The following ASB4 variants were observed in gnomAD, a reference collection of about 807,000 sequenced individuals.
ASB4 encodes the protein ankyrin repeat and SOCS box containing 4.
In ASB4, 35 loss-of-function variants were observed where a neutral mutation model predicts 38.6. The ratio of observed to expected loss-of-function variants is 0.91; its 90% confidence interval spans 0.69 to 1.20. The LOEUF (loss-of-function observed/expected upper bound fraction) is 1.20. ASB4 is among the 50% of genes most tolerant of loss of function. The pLI is 0.00. For synonymous variants in ASB4, 195 were observed against 201.3 expected, an observed-to-expected ratio of 0.97 and a Z score of 0.26; for missense variants, 557 against 527.2, an observed-to-expected ratio of 1.06 and a Z score of -0.55.
the ASB4 span, among the ~76,000 whole-genome samples, chr7:95,547,116 T>C: frequency 6.6e-6 from 1 of 152,224 alleles, no homozygotes; most frequent in Non-Finnish European, 1.5e-5. Context: ...GGAACTGTAA[T>C]CTCTTCAGTT....
At chr7:95,515,519 G>A (rs1384002477) in intron 2 of ASB4, among the ~76,000 whole-genome samples, 1 of 150,412 alleles carries the variant, frequency 6.6e-6, no homozygotes, top group African/African-American at 2.4e-5. Context: ...GTGTTCAAGT[G>A]ATTCTCTTGC....
rs111237885 is a variant in ASB4, at chr7:95,490,818, A to T, written c.187+4660A>T. On this transcript the variant is annotated intron_variant, in intron 1 of 4. Transcript: ENST00000325885. ...AGATTTAAATTAAACACACACGCGC[A>T]CGCGTGCACACACACACGATTAGTC... Among the ~76,000 whole-genome samples the T allele has an allele frequency of 1.1e-3, 162 of 152,364 alleles. 1 individual carries two copies. The highest frequency in any genetic ancestry group is 3.6e-3 in the African/African-American group (151 of 41,596).
intron 3 of ASB4, among the ~76,000 whole-genome samples, chr7:95,534,167 A>T (rs1790856999): frequency 6.6e-6 from 1 of 152,156 alleles, no homozygotes. Context: ...CAACATGGTG[A>T]AACCTCGTCT....
intron 2 of ASB4, among the ~76,000 whole-genome samples, chr7:95,505,868 G>A (rs1790401360): frequency 6.6e-6 from 1 of 151,888 alleles, no homozygotes; most frequent in African/African-American, 2.4e-5. Flanking sequence ...TAACCTCAAA[G>A]CTTTTGCCAA....
the ASB4 span, among the ~76,000 whole-genome samples, chr7:95,545,950 C>T: frequency 2.0e-5 from 3 of 152,122 alleles, no homozygotes; most frequent in Non-Finnish European, 2.9e-5. Flanking sequence ...CAGAGTTGCT[C>T]CCTTCTGGAA....
Position 95,497,111 on chromosome 7 carries a change from GC to G in ASB4, c.487+1056del, listed in dbSNP as rs148543987. On this transcript the variant is annotated intron_variant, in intron 2 of 4. Coordinates refer to ENST00000325885, the MANE Select transcript of ASB4 (RefSeq NM_016116.3). The stretch of plus-strand genomic sequence containing the variant: ...CATTGGATGTGTTAGATCCTACAGG[GC>G]CTTTGAGGGTCAAAGTGTAGGGCTC... Among the ~76,000 whole-genome samples the G allele has an allele frequency of 5.6e-3, 845 of 152,212 alleles. 9 individuals are homozygous for G. The highest frequency in any genetic ancestry group is 0.019 in the African/African-American group (784 of 41,536).
At chr7:95,478,652 G>A (rs1789998445) in intron 1 of ASB4, 1 of 152,170 alleles carries the variant, frequency 6.6e-6, no homozygotes, top group Non-Finnish European at 1.5e-5. Context: ...CAGCTGGTTT[G>A]TTCGCTGATA....
intron 1 of ASB4, among the ~76,000 whole-genome samples, chr7:95,495,513 A>G (rs1014367298): frequency 6.6e-5 from 10 of 152,228 alleles, no homozygotes; most frequent in African/African-American, 2.4e-4. Context: ...AGACACAGTA[A>G]TAAGAAACAG....
intron 2 of ASB4, among the ~76,000 whole-genome samples, chr7:95,515,598 T>G (rs1790573346): frequency 6.6e-6 from 1 of 152,032 alleles, no homozygotes; most frequent in African/African-American, 2.4e-5. Context: ...GTGTTTTTCA[T>G]AGAGACGGGG....
At chr7:95,471,567 C>T in the ASB4 span, among the ~76,000 whole-genome samples, 1 of 152,152 alleles carries the variant, frequency 6.6e-6, no homozygotes, top group Non-Finnish European at 1.5e-5. Context: ...CCAACACTGT[C>T]AGTGTACTTC....
intron 2 of ASB4, among the ~76,000 whole-genome samples, chr7:95,527,549 C>A (rs1322791240): frequency 6.6e-6 from 1 of 152,000 alleles, no homozygotes; most frequent in African/African-American, 2.4e-5. Flanking sequence ...AATTCAGCAA[C>A]GCTCCAGCAT....
At chr7:95,496,626 C>A (rs527909979) in intron 2 of ASB4, among the ~76,000 whole-genome samples, 1 of 152,212 alleles carries the variant, frequency 6.6e-6, no homozygotes, top group East Asian at 1.9e-4. Flanking sequence ...GTGAGAGGAT[C>A]ACTTGAGCCC....
At chr7:95,507,904 A>G (rs1307371912) in intron 2 of ASB4, among the ~76,000 whole-genome samples, 1 of 152,152 alleles carries the variant, frequency 6.6e-6, no homozygotes. Context: ...ATGGAACTGA[A>G]GATTATACCA....
chr7:95,527,816 C>A lies in ASB4; in HGVS notation c.491C>A (p.Ala164Glu). ...LCAKQLVWRGANVNMKTNNQD... is the reference protein window; with the variant it reads ...LCAKQLVWRGENVNMKTNNQD... ...CTTCCTCAATTTCCCTTTATAGGGG[C>A]GAATGTGAACATGAAGACCAACAAC... Residue 164 changes from alanine (A) to glutamate (E), a missense_variant, in exon 3 of 5, where the codon GCG becomes GAG. Coordinates refer to ENST00000325885, the MANE Select transcript of ASB4 (RefSeq NM_016116.3). 2 of 1,595,938 alleles carry A rather than the reference C, an allele frequency of 1.3e-6. No homozygotes were observed. Among genetic ancestry groups the A allele is most frequent in the South Asian group, 1.1e-5 (1 of 90,600 alleles).
At chr7:95,513,439 A>AAACTAGGGATAAACCC (rs1407263746) in intron 2 of ASB4, among the ~76,000 whole-genome samples, 74 of 151,722 alleles carry the variant, frequency 4.9e-4, no homozygotes, top group Non-Finnish European at 8.8e-4. Context: ...GACCTAGGGA[A>AAACTAGGGATAAACCC]TAGATACAGT....
chr7:95,523,311 C>T (rs768306865), intron 2 of ASB4, among the ~76,000 whole-genome samples: 6 of 152,088 alleles, frequency 3.9e-5, no homozygotes, highest in South Asian at 4.1e-4. Context: ...CTGGTTACAA[C>T]GTTTATAGCA....
chr7:95,535,586 G>A (rs1790879862), intron 3 of ASB4, among the ~76,000 whole-genome samples: 2 of 152,196 alleles, frequency 1.3e-5, no homozygotes, highest in Admixed American at 6.5e-5. Context: ...CACACCAAAA[G>A]TTGGTTAAGT....
chr7:95,530,925 A>C (rs1790811877), intron 3 of ASB4, among the ~76,000 whole-genome samples: 2 of 152,136 alleles, frequency 1.3e-5, no homozygotes, highest in South Asian at 4.1e-4. Flanking sequence ...AGAATCATGG[A>C]CTTTGGGGTC....
At chr7:95,516,601 A>C (rs1790586285) in intron 2 of ASB4, among the ~76,000 whole-genome samples, 2 of 152,206 alleles carry the variant, frequency 1.3e-5, no homozygotes, top group African/African-American at 2.4e-5. Flanking sequence ...CAGGGGAAAT[A>C]GTTTGTGATA....
Sources: allele counts gnomAD v4.1 joint callset (sites outside exome capture counted in the v4.1 genomes callset), GRCh38; gene constraint gnomAD v4.1.1; transcripts MANE v1.5; gene names NCBI Gene and HGNC (gene_info 2026-07-23, HGNC 2026-07-21).